Variants in TBC1D19 observed in about 807,000 individuals in gnomAD.
The protein encoded by TBC1D19 is TBC1 domain family, member 19.
In TBC1D19, 60 loss-of-function variants were observed where a neutral mutation model predicts 89.0. The ratio of observed to expected loss-of-function variants is 0.67; its 90% CI spans 0.55 to 0.84. TBC1D19 has a LOEUF of 0.84. TBC1D19 is among the 40% of genes least tolerant of loss of function. The probability of loss-of-function intolerance (pLI) is 0.00; values close to 1 mark genes in which losing one functional copy is unlikely to be tolerated. For synonymous variants in TBC1D19, 189 were observed against 199.7 expected, an observed-to-expected ratio of 0.95 and a Z score of 0.45; for missense variants, 500 against 610.8, an observed-to-expected ratio of 0.82 and a Z score of 1.91.
intron 13 of TBC1D19, among the ~76,000 whole-genome samples, chr4:26,713,173 A>G (rs546366572): frequency 1.7e-4 from 26 of 152,180 alleles, no homozygotes; most frequent in African/African-American, 6.0e-4. Context: ...ATAGACGCCA[A>G]AAATTTATTT....
intron 18 of TBC1D19, among the ~76,000 whole-genome samples, chr4:26,743,475 C>T (rs370048896): frequency 2.2e-4 from 33 of 151,930 alleles, no homozygotes; most frequent in African/African-American, 5.1e-4. Context: ...AATTTCTTTA[C>T]GTTAAGATAA....
At chr4:26,618,005 C>T (rs1379488007) in intron 3 of TBC1D19, among the ~76,000 whole-genome samples, 2 of 152,166 alleles carry the variant, frequency 1.3e-5, no homozygotes, top group Admixed American at 6.5e-5. Flanking sequence ...TCTTCGTACA[C>T]ATTCATGGCT....
chr4:26,694,629 T>G (rs1714602176), intron 13 of TBC1D19, among the ~76,000 whole-genome samples: 1 of 152,200 alleles, frequency 6.6e-6, no homozygotes, highest in African/African-American at 2.4e-5. Flanking sequence ...GTAGCCTAAC[T>G]GGGAGTCATC....
intron 17 of TBC1D19, 95 bp downstream of exon 17, chr4:26,740,068 A>C (rs1303708626): frequency 2.9e-6 from 2 of 687,268 alleles, no homozygotes; most frequent in African/African-American, 3.7e-5. Context: ...ATTCTAACGC[A>C]ACAAATTTTA....
At chr4:26,586,170 GCTTTT>G (rs1739404537) in intron 1 of TBC1D19, among the ~76,000 whole-genome samples, 2 of 135,150 alleles carry the variant, frequency 1.5e-5, no homozygotes, top group Non-Finnish European at 3.1e-5. Flanking sequence ...TGCAAGGTAA[GCTTTT>G]TTTTTTTTTT....
rs138344393 is a variant in TBC1D19, at chr4:26,754,169, T to G, written c.1506+279T>G. 474 of 331,838 alleles carry G rather than the reference T, an allele frequency of 1.4e-3. 4 individuals carry two copies. Among genetic ancestry groups the G allele is most frequent in the African/African-American group, 9.2e-3 (452 of 48,892 alleles). 20.6% of individuals were successfully genotyped at this position (331,838 alleles called of 1,614,324 possible). A position where few individuals can be genotyped will look rare whatever the true frequency, so the allele number is the denominator to read the frequency against. Reference sequence around the variant, plus strand: ...ACCTGGTAATTTTAATGGAAACAATTGGGGTTTATGTTGCATTTTTTTATC... The same window carrying G: ...ACCTGGTAATTTTAATGGAAACAATGGGGGTTTATGTTGCATTTTTTTATC... On this transcript the variant is annotated intron_variant, in intron 20 of 20. Coordinates refer to ENST00000264866, the MANE Select transcript of TBC1D19 (RefSeq NM_018317.4).
chr4:26,705,633 T>A (rs1188589271), intron 13 of TBC1D19, among the ~76,000 whole-genome samples: 2 of 152,234 alleles, frequency 1.3e-5, no homozygotes, highest in Non-Finnish European at 2.9e-5. Context: ...TTTCTAGTTC[T>A]GTTCTATTCT....
In TBC1D19 at chr4:26,693,692, TA is replaced by T. The variant is rs34328185; in HGVS notation, c.954+5299del. Reference sequence around the variant, plus strand: ...CCTAGGCAACAGGTGAGACCCGGTCTAAAAAAAAAAAAAAGGTAAAGTAAGG... The same window carrying T: ...CCTAGGCAACAGGTGAGACCCGGTCTAAAAAAAAAAAAAGGTAAAGTAAGG... On this transcript the variant is annotated intron_variant, in intron 13 of 20. Transcript: ENST00000264866. Among the ~76,000 whole-genome samples, 625 of 134,156 alleles carry T rather than the reference TA, an allele frequency of 4.7e-3. 1 individual carries two copies. The highest frequency in any genetic ancestry group is 6.3e-3 in the African/African-American group (226 of 36,138). 88.0% of individuals were successfully genotyped at this position (134,156 alleles called of 152,430 possible). A position where few individuals can be genotyped will look rare whatever the true frequency, so the allele number is the denominator to read the frequency against.
chr4:26,658,372 G>A (rs959100718), intron 7 of TBC1D19, among the ~76,000 whole-genome samples: 32 of 152,132 alleles, frequency 2.1e-4, no homozygotes, highest in African/African-American at 7.7e-4. Flanking sequence ...GCTTGTATCA[G>A]GTTTGTCAAA....
chr4:26,783,489 T>C, the TBC1D19 span, among the ~76,000 whole-genome samples: 5 of 152,170 alleles, frequency 3.3e-5, no homozygotes, highest in Non-Finnish European at 7.3e-5. Flanking sequence ...GAAAAACGTT[T>C]TGAGTGTTCA....
intron 1 of TBC1D19, among the ~76,000 whole-genome samples, chr4:26,605,568 C>G (rs983664942): frequency 2.0e-5 from 3 of 152,028 alleles, no homozygotes; most frequent in African/African-American, 7.3e-5. Flanking sequence ...AGTATATACC[C>G]CGTAATGGAA....
At chr4:26,691,155 C>A (rs895335017) in intron 13 of TBC1D19, among the ~76,000 whole-genome samples, 1 of 152,098 alleles carries the variant, frequency 6.6e-6, no homozygotes, top group Non-Finnish European at 1.5e-5. Flanking sequence ...AGAAGTAGAG[C>A]CTCAATATGT....
At chr4:26,620,539 A>G in intron 3 of TBC1D19, 74 bp from the exon 4 acceptor site, 1 of 1,206,042 alleles carries the variant, frequency 8.3e-7, no homozygotes, top group Non-Finnish European at 1.2e-6. Flanking sequence ...AGTTTATAAC[A>G]TGGACTACAG....
Position 26,640,240 on chromosome 4 carries a change from A to C in TBC1D19, c.480+53A>C, listed in dbSNP as rs1743409810. On this transcript the variant is annotated intron_variant, in intron 7 of 20. Transcript: ENST00000264866. ...TATTAATGAATGAATAATGTGAATA[A>C]ATGATGATGTAAAAATATATCAAGG... 4 of 1,393,060 alleles carry C rather than the reference A, an allele frequency of 2.9e-6. No individual in the cohort carries two copies. In the African/African-American group the frequency reaches 5.7e-5, roughly 20 times the overall value. 86.3% of individuals were successfully genotyped at this position (1,393,060 alleles called of 1,614,324 possible).
At chr4:26,659,358 A>AT (rs1351081732) in intron 7 of TBC1D19, among the ~76,000 whole-genome samples, 1 of 152,106 alleles carries the variant, frequency 6.6e-6, no homozygotes, top group African/African-American at 2.4e-5. Context: ...AACTTGGTAG[A>AT]GTTTTGTATT....
At chr4:26,656,515 G>T (rs1349493271) in intron 7 of TBC1D19, among the ~76,000 whole-genome samples, 2 of 150,908 alleles carry the variant, frequency 1.3e-5, no homozygotes, top group Non-Finnish European at 2.9e-5. Context: ...ACAGAAGTAA[G>T]ATTCCTACAT....
chr4:26,672,005 T>C, intron 9 of TBC1D19, 144 bp from the exon 10 acceptor site: 1 of 311,034 alleles, frequency 3.2e-6, no homozygotes, highest in African/African-American at 2.3e-5. Context: ...TTTTTACATA[T>C]GAGATATTCT....
the TBC1D19 span, among the ~76,000 whole-genome samples, chr4:26,823,896 T>C: frequency 6.6e-6 from 1 of 152,206 alleles, no homozygotes; most frequent in African/African-American, 2.4e-5. Flanking sequence ...CCTCCCCTCT[T>C]CCTTCTTTAT....
rs753867358 is a variant in TBC1D19 at position 26,616,484 on chromosome 4, G to A, written c.218+2031G>A. On this transcript the variant is annotated intron_variant, in intron 3 of 20. Coordinates refer to ENST00000264866, the MANE Select transcript of TBC1D19 (RefSeq NM_018317.4). ...GTCAAAAGAATAAAGAAGACTTAGC[G>A]TATTCTGTTGCATTTTTCATTGGCA... Among the ~76,000 whole-genome samples the A allele has an allele frequency of 2.2e-4, 34 of 152,258 alleles. No individual in the cohort carries two copies. The South Asian group carries it at 3.7e-3, about 17-fold the overall frequency.
Sources: allele counts gnomAD v4.1 joint callset (sites outside exome capture counted in the v4.1 genomes callset), GRCh38; gene constraint gnomAD v4.1.1; transcripts MANE v1.5; gene names NCBI Gene and HGNC (gene_info 2026-07-23, HGNC 2026-07-21).